Variants in ATP1A3 observed in about 807,000 individuals in gnomAD.
ATP1A3 encodes the protein ATPase Na+/K+ transporting subunit alpha 3.
In ATP1A3, 12 loss-of-function variants were observed where a neutral mutation model predicts 108.8. The observed-to-expected ratio is 0.11, with a 90% CI of 0.07 to 0.18. The LOEUF is 0.18. ATP1A3 is among the 10% of genes least tolerant of loss of function. ATP1A3 has a pLI of 1.00. For missense variants in ATP1A3, 498 were observed against 1,387.7 expected (o/e 0.36, Z 10.19); for synonymous variants, 539 against 564.5 (o/e 0.95, Z 0.64).
chr19:41,986,944 G>T (rs918869665), intron 4 of ATP1A3, among the ~76,000 whole-genome samples: 1 of 151,460 alleles, frequency 6.6e-6, no homozygotes, highest in Non-Finnish European at 1.5e-5. Flanking sequence ...GTCTGTCTGG[G>T]TATGTTACTC....
At chr19:41,993,344 C>G in intron 1 of ATP1A3, 2 of 1,521,982 alleles carry the variant, frequency 1.3e-6, no homozygotes, top group Non-Finnish European at 1.8e-6. Flanking sequence ...ACGCTCCCCA[C>G]TACACAGTTG....
chr19:41,981,438 C>T lies in ATP1A3; in HGVS notation c.1437+64G>A, dbSNP rs880001500. The T allele has an allele frequency of 1.2e-6, 2 of 1,612,398 alleles. No homozygotes were observed. The highest frequency in any genetic ancestry group is 2.2e-5 in the East Asian group (1 of 44,886). ...ACGGGAAAATCAAGGCTCTATGACA[C>T]CTCTTTACAGGCGTCATAAGGAACC... On this transcript the variant is annotated intron_variant, in intron 11 of 22. Transcript: ENST00000648268. This position sits in a 1 kb window ranked among gnomAD's most constrained non-coding sequence, Gnocchi z 5.0.
rs370996990 is a variant in ATP1A3 at position 41,977,956 on chromosome 19, G to A, written c.1923C>T (p.Pro641=). The change falls in exon 14 of 23, where the codon CCC becomes CCT. Residue 641 remains proline (P), a synonymous_variant. Transcript: ENST00000648268. ...VEDIAARLNI[P]VSQVNPRDAK... ...CTCACCGGGGGTTAACCTGGCTGAC[G>A]GGAATGTTGAGCCGGGCGGCGATGT... 3.3e-5 allele frequency: 54 copies of A among 1,614,132 alleles called. No homozygotes were observed. Among genetic ancestry groups the A allele is most frequent in the African/African-American group, 1.7e-4 (13 of 74,954 alleles).
Position 41,967,444 on chromosome 19 carries a change from G to T in ATP1A3, c.2922-104C>A. On this transcript the variant is annotated intron_variant, in intron 21 of 22. Coordinates refer to ENST00000648268, the MANE Select transcript of ATP1A3 (RefSeq NM_152296.5). This position sits in a 1 kb window ranked among gnomAD's most constrained non-coding sequence, Gnocchi z 4.2. Reference sequence around the variant, plus strand: ...GAGGGGCAGTCTCCCAGGATCCTTCGTGCTCACAGGTGGAGGGTGCCCTGG... The same window carrying T: ...GAGGGGCAGTCTCCCAGGATCCTTCTTGCTCACAGGTGGAGGGTGCCCTGG... 1 of 1,357,292 alleles carries T rather than the reference G, an allele frequency of 7.4e-7. No individual in the cohort carries two copies. The highest frequency in any genetic ancestry group is 1.0e-6 in the Non-Finnish European group (1 of 986,424). 84.1% of individuals were successfully genotyped at this position (1,357,292 alleles called of 1,614,324 possible).
intron 15 of ATP1A3, among the ~76,000 whole-genome samples, chr19:41,976,152 C>T (rs1377731819): frequency 7.0e-6 from 1 of 143,592 alleles, no homozygotes; most frequent in East Asian, 2.2e-4. Flanking sequence ...ACCCCCTCCT[C>T]CCTCAGACCC....
chr19:41,970,319 G>C lies in ATP1A3; in HGVS notation c.2419-11C>G, dbSNP rs1555859544. 3.1e-6 allele frequency: 5 copies of C among 1,614,168 alleles called. No individual in the cohort carries two copies. In the East Asian group the frequency reaches 1.1e-4, roughly 36 times the overall value. On this transcript the variant is annotated splice_polypyrimidine_tract_variant and intron_variant, in intron 17 of 22. Transcript: ENST00000648268. ...TGAGATGGCAGGGACCTAGGCGGAGGAGGCCGGGTGAGCCGGAGAGGGGAG... is the reference window on the plus strand; with the variant it reads ...TGAGATGGCAGGGACCTAGGCGGAGCAGGCCGGGTGAGCCGGAGAGGGGAG...
chr19:41,981,616 C>T lies in ATP1A3; in HGVS notation c.1323G>A (p.Ala441=), dbSNP rs34578730. The change falls in exon 11 of 23, where the codon GCG becomes GCA. Residue 441 remains alanine (A), a synonymous_variant. Transcript: ENST00000648268. The surrounding 1 kb of genome is among the most constrained non-coding windows in gnomAD (Gnocchi z 5.0). The part of the protein sequence containing the change: ...PVLKRDVAGD[A]SESALLKCIE... ...TGCACTTGAGCAGGGCAGACTCAGACGCATCCCCAGCCACATCCCTCTGCA... is the reference window on the plus strand; with the variant it reads ...TGCACTTGAGCAGGGCAGACTCAGATGCATCCCCAGCCACATCCCTCTGCA... 9.8e-3 allele frequency: 15,742 copies of T among 1,614,192 alleles called. 102 individuals carry two copies. The highest frequency in any genetic ancestry group is 0.012 in the Non-Finnish European group (14,015 of 1,180,046).
chr19:41,974,698 AC>A (rs1461462110), intron 16 of ATP1A3, among the ~76,000 whole-genome samples: 1 of 152,222 alleles, frequency 6.6e-6, no homozygotes, highest in Non-Finnish European at 1.5e-5. Flanking sequence ...GGGTGATTCT[AC>A]TTTTTTCCTG....
chr19:41,978,807 C>G lies in ATP1A3; in HGVS notation c.1438-9G>C. 6.2e-7 allele frequency: 1 copy of G among 1,613,422 alleles called. No individual in the cohort carries two copies. Among genetic ancestry groups the G allele is most frequent in the Non-Finnish European group, 8.5e-7 (1 of 1,179,708 alleles). ...GTCTCATGGATGGAGAGCTGGGGAC[C>G]GATCAGAGGGTGGCGTGCCTGAGCC... is the stretch of plus-strand genomic sequence containing the variant. On this transcript the variant is annotated splice_polypyrimidine_tract_variant and intron_variant, in intron 11 of 22. Transcript: ENST00000648268. This position sits in a 1 kb window ranked among gnomAD's most constrained non-coding sequence, Gnocchi z 8.3.
intron 16 of ATP1A3, among the ~76,000 whole-genome samples, chr19:41,974,773 T>C (rs910838849): frequency 3.3e-5 from 5 of 152,374 alleles, no homozygotes; most frequent in South Asian, 4.1e-4. Context: ...TAAATCTGAA[T>C]GTGAACCAAC....
chr19:41,986,076 A>G (rs2075283822), intron 5 of ATP1A3, 40 bp downstream of exon 5: 1 of 1,613,966 alleles, frequency 6.2e-7, no homozygotes, highest in East Asian at 2.2e-5. Flanking sequence ...CAGCCCATAC[A>G]CTAACACCCC....
At position 41,966,973 on chromosome 19, in the gene ATP1A3, G is replaced by A; in HGVS notation, c.3014-8C>T. ...TTTCCTTCTCCACCCAACCTGGAGA[G>A]ACAAAGAAGGAAAGAAAGAGACAGA... On this transcript the variant is annotated splice_region_variant and splice_polypyrimidine_tract_variant and intron_variant, in intron 22 of 22. Coordinates refer to ENST00000648268, the MANE Select transcript of ATP1A3 (RefSeq NM_152296.5). 1 of 1,551,518 alleles carries A rather than the reference G, an allele frequency of 6.4e-7. No individual in the cohort carries two copies. The highest frequency in any genetic ancestry group is 8.7e-7 in the Non-Finnish European group (1 of 1,146,986).
intron 1 of ATP1A3, among the ~76,000 whole-genome samples, chr19:41,992,480 G>A (rs1038830647): frequency 6.6e-6 from 1 of 152,078 alleles, no homozygotes; most frequent in Non-Finnish European, 1.5e-5. Flanking sequence ...CGCCTGGGCC[G>A]GCCTCCCTTC....
intron 11 of ATP1A3, among the ~76,000 whole-genome samples, chr19:41,979,065 C>T (rs2075203203): frequency 6.6e-6 from 1 of 151,248 alleles, no homozygotes; most frequent in African/African-American, 2.4e-5. Flanking sequence ...TGCAGTGGCA[C>T]GATCTCAGCT....
At chr19:41,969,284 G>T in intron 19 of ATP1A3, 151 bp downstream of exon 19, 1 of 1,355,130 alleles carries the variant, frequency 7.4e-7, no homozygotes, top group Non-Finnish European at 1.0e-6. Flanking sequence ...CTGGGCCAAG[G>T]GCATCCAGGA....
chr19:41,986,409 C>T, intron 4 of ATP1A3, 180 bp from the exon 5 acceptor site: 2 of 573,320 alleles, frequency 3.5e-6, no homozygotes, highest in Non-Finnish European at 6.2e-6. Flanking sequence ...GCTTGAGTCC[C>T]TCTTTCTGTA....
chr19:41,980,544 CAG>C (rs1212736233), intron 11 of ATP1A3, among the ~76,000 whole-genome samples: 1 of 152,066 alleles, frequency 6.6e-6, no homozygotes, highest in African/African-American at 2.4e-5. Context: ...AACCCAGAGA[CAG>C]AGGTTGCAGT....
rs1599716155 is a variant in ATP1A3, at chr19:41,978,852, C to T, written c.1438-54G>A. The T allele has an allele frequency of 6.3e-7, 1 of 1,592,118 alleles. No homozygotes were observed. The highest frequency in any genetic ancestry group is 2.2e-5 in the East Asian group (1 of 44,658). On this transcript the variant is annotated intron_variant, in intron 11 of 22. Transcript: ENST00000648268. The surrounding 1 kb of genome is among the most constrained non-coding windows in gnomAD (Gnocchi z 8.3). The stretch of plus-strand genomic sequence containing the variant: ...TGAGCCACGCAGACACCAGGAAGCT[C>T]CCTGCCCCATCCTGTCCCCTGTCCA...
In ATP1A3 at chr19:41,967,562, G is replaced by T. The variant is rs527271605; in HGVS notation, c.2921+100C>A. 4 of 1,316,616 alleles carry T rather than the reference G, an allele frequency of 3.0e-6. No individual in the cohort carries two copies. Among genetic ancestry groups the T allele is most frequent in the African/African-American group, 2.9e-5 (2 of 68,710 alleles). The allele number at this position is 1,316,616 out of a possible 1,614,324, so 81.6% of individuals were successfully genotyped here. ...GCATCAGAATGGGGACTGCAGTGGG[G>T]ACACCAGGGGAGGTGGGGCCTGAGG... is the stretch of plus-strand genomic sequence containing the variant. On this transcript the variant is annotated intron_variant, in intron 21 of 22. Transcript: ENST00000648268. The surrounding 1 kb of genome is among the most constrained non-coding windows in gnomAD (Gnocchi z 4.2).
Sources: allele counts gnomAD v4.1 joint callset (sites outside exome capture counted in the v4.1 genomes callset), GRCh38; gene constraint gnomAD v4.1.1; non-coding constraint Gnocchi (gnomAD v3.1); transcripts MANE v1.5; gene names NCBI Gene and HGNC (gene_info 2026-07-23, HGNC 2026-07-21).